Variants in UNC80 observed in about 807,000 individuals in gnomAD.
UNC80 encodes unc-80 subunit of NALCN channel complex.
Under a neutral mutation model 384.6 loss-of-function variants are expected in UNC80, and 164 were observed. The observed-to-expected ratio is 0.43, with a 90% CI of 0.38 to 0.49. UNC80 has a LOEUF of 0.49. Ranked by LOEUF, UNC80 falls within the 20% of genes least tolerant of loss-of-function variation. The pLI is 0.00. For synonymous variants in UNC80, 1,486 were observed against 1,527.8 expected, an observed-to-expected ratio of 0.97 and a Z score of 0.64; for missense variants, 3,330 against 4,143.0, an observed-to-expected ratio of 0.80 and a Z score of 5.39.
chr2:209,913,704 G>A (rs2089214281), intron 30 of UNC80, 98 bp from the exon 31 acceptor site: 1 of 1,298,360 alleles, frequency 7.7e-7, no homozygotes, highest in Non-Finnish European at 1.0e-6. Context: ...GGTCACTTAA[G>A]GCAAGCAGAG....
intron 43 of UNC80, 79 bp downstream of exon 43, chr2:209,939,731 T>C: frequency 7.6e-7 from 1 of 1,312,412 alleles, no homozygotes; most frequent in Non-Finnish European, 1.0e-6. Flanking sequence ...TTATTATTAT[T>C]ATACTTTAAG....
intron 14 of UNC80, among the ~76,000 whole-genome samples, chr2:209,828,149 A>T (rs146383877): frequency 0.012 from 1,824 of 152,286 alleles, 39 homozygotes; most frequent in African/African-American, 0.04. Context: ...GTACTTCAGG[A>T]CCTGCCAACT....
intron 22 of UNC80, among the ~76,000 whole-genome samples, chr2:209,853,962 C>T (rs2082711537): frequency 6.6e-6 from 1 of 151,936 alleles, no homozygotes; most frequent in African/African-American, 2.4e-5. Flanking sequence ...AATTCTTTTT[C>T]AAAATAGGAC....
chr2:209,942,179 C>T (rs2091674581), intron 44 of UNC80, among the ~76,000 whole-genome samples: 2 of 152,092 alleles, frequency 1.3e-5, no homozygotes, highest in African/African-American at 4.8e-5. Flanking sequence ...GTTCCATGCT[C>T]CTGAATCTAA....
intron 61 of UNC80, 31 bp from the exon 62 acceptor site, chr2:209,992,135 G>A (rs1405335950): frequency 4.8e-5 from 74 of 1,540,386 alleles, no homozygotes; most frequent in Non-Finnish European, 6.2e-5. Context: ...TACTCTCTCC[G>A]GGGTACACTA....
At chr2:209,772,582 T>G (rs2076636543) in intron 1 of UNC80, among the ~76,000 whole-genome samples, 1 of 152,176 alleles carries the variant, frequency 6.6e-6, no homozygotes, top group Non-Finnish European at 1.5e-5. Context: ...TGCCCACTTG[T>G]TAACCGTTTT....
rs1404917566 is a variant in UNC80 at position 209,954,334 on chromosome 2, TAAG to T, written c.7457+67_7457+69del. The T allele has an allele frequency of 1.0e-5, 13 of 1,287,740 alleles. No homozygotes were observed. The East Asian group carries it at 3.2e-4, about 32-fold the overall frequency. The allele number at this position is 1,287,740 out of a possible 1,614,324, so 79.8% of individuals were successfully genotyped here. ...TATGTTTCCACTGAAAAAAAAAAAA[TAAG>T]AAAAAAATGTGATGGATAAAAATCT... On this transcript the variant is annotated intron_variant, in intron 48 of 64. Coordinates refer to ENST00000673920, the MANE Select transcript of UNC80 (RefSeq NM_001371986.1).
chr2:209,909,010 A>C (rs1172700444), intron 29 of UNC80, among the ~76,000 whole-genome samples: 6 of 152,210 alleles, frequency 3.9e-5, no homozygotes, highest in Admixed American at 3.9e-4. Flanking sequence ...AGAATTAAAA[A>C]AAGAAGAAGA....
At chr2:209,875,701 TCAGCACATAGTGCATTTC>T (rs2074996550) in intron 23 of UNC80, among the ~76,000 whole-genome samples, 1 of 152,162 alleles carries the variant, frequency 6.6e-6, no homozygotes, top group African/African-American at 2.4e-5. Flanking sequence ...TGTCAGTCTC[TCAGCACATAGTGCATTTC>T]CATGAACATA....
rs2124981635 is a variant in UNC80 at position 209,943,459 on chromosome 2, G to A, written c.6995G>A (p.Arg2332Gln). The A allele has an allele frequency of 6.4e-7, 1 of 1,551,966 alleles. No individual in the cohort carries two copies. Among genetic ancestry groups the A allele is most frequent in the South Asian group, 1.2e-5 (1 of 84,054 alleles). The change falls in exon 45 of 65, where the codon CGG becomes CAG. Residue 2332 changes from arginine (R) to glutamine (Q), a missense_variant. Physicochemically the swap from Arg to Gln is conservative, Grantham distance 43 (BLOSUM62 1). Around this residue, in one of 8 missense-constraint regions of UNC80, gnomAD observed 1,049 missense variants for 1,488.6 expected, o/e 0.70. Transcript: ENST00000673920. The part of the protein sequence containing the change: ...FACHQFYILH[R>Q]KPFVLQLFAS... ...TGTCACCAGTTCTATATTCTACACC[G>A]GAAGCCCTTTGTGCTCCAGCTGTTT...
rs2084930231 is a variant in UNC80, at chr2:209,877,973, A to C, written c.3860A>C (p.Asn1287Thr). ...QWGDAIGVRLNELCHGESESP... is the reference protein window; with the variant it reads ...QWGDAIGVRLTELCHGESESP... ...TTTTAGGCAATTGGCGTCCGATTGA[A>C]TGAGCTGTGCCACGGGGAAAGTGAG... The change falls in exon 24 of 65, where the codon AAT becomes ACT. Residue 1287 changes from asparagine (N) to threonine (T), a missense_variant. Physicochemically the swap from Asn to Thr is moderately conservative, Grantham distance 65. This residue lies in a region of UNC80 where 801 missense variants were observed against 950.8 expected (regional missense o/e 0.84). Transcript: ENST00000673920. 6.5e-7 allele frequency: 1 copy of C among 1,535,784 alleles called. No individual in the cohort carries two copies. Among genetic ancestry groups the C allele is most frequent in the Non-Finnish European group, 8.8e-7 (1 of 1,140,600 alleles).
intron 62 of UNC80, among the ~76,000 whole-genome samples, chr2:209,992,745 G>A (rs2093415619): frequency 6.6e-6 from 1 of 152,162 alleles, no homozygotes; most frequent in Admixed American, 6.5e-5. Flanking sequence ...CTGCATAAAG[G>A]CAAAGAAAAA....
At chr2:209,942,131 T>C (rs73078966) in intron 44 of UNC80, among the ~76,000 whole-genome samples, 15,489 of 152,124 alleles carry the variant, frequency 0.1, 1,965 homozygotes, top group African/African-American at 0.3. Flanking sequence ...TCATAGGAGC[T>C]GGAACCCTAT....
At chr2:209,858,203 T>A (rs554992059) in intron 22 of UNC80, among the ~76,000 whole-genome samples, 3 of 152,184 alleles carry the variant, frequency 2.0e-5, no homozygotes, top group Non-Finnish European at 4.4e-5. Flanking sequence ...TTTAGAAATA[T>A]TACGATTTCT....
intron 59 of UNC80, 109 bp from the exon 60 acceptor site, chr2:209,982,070 A>G (rs2093170194): frequency 1.9e-6 from 2 of 1,030,688 alleles, no homozygotes; most frequent in Non-Finnish European, 2.7e-6. Flanking sequence ...ATTTACACAC[A>G]GCCCTAAGTT....
Position 209,926,971 on chromosome 2 carries a change from G to A in UNC80, c.5791G>A (p.Glu1931Lys). The part of the protein sequence containing the change: ...VHLMEDGEVR[E>K]DGVAVSAVAQ... ...TCTGATGGAGGATGGTGAGGTGCGGGAAGATGGAGTAGCAGGTACAGTTTT... is the reference window on the plus strand; with the variant it reads ...TCTGATGGAGGATGGTGAGGTGCGGAAAGATGGAGTAGCAGGTACAGTTTT... Residue 1931 changes from glutamate to lysine, a missense_variant, in exon 36 of 65, where the codon GAA (glutamate) becomes AAA (lysine). Coordinates refer to ENST00000673920, the MANE Select transcript of UNC80 (RefSeq NM_001371986.1). 2 of 1,551,938 alleles carry A rather than the reference G, an allele frequency of 1.3e-6. No homozygotes were observed. Among genetic ancestry groups the A allele is most frequent in the Admixed American group, 2.0e-5 (1 of 50,990 alleles).
intron 46 of UNC80, among the ~76,000 whole-genome samples, 162 bp from the exon 47 acceptor site, chr2:209,945,685 C>T (rs2091882642): frequency 6.6e-6 from 1 of 152,058 alleles, no homozygotes; most frequent in Admixed American, 6.6e-5. Flanking sequence ...GAATTTCGTT[C>T]CCTTGAGATG....
intron 7 of UNC80, among the ~76,000 whole-genome samples, chr2:209,810,294 G>T (rs1028148893): frequency 1.3e-5 from 2 of 152,184 alleles, no homozygotes; most frequent in African/African-American, 4.8e-5. Context: ...CAACAGGTAG[G>T]CCTGGGAGGA....
At chr2:209,896,212 A>G in intron 27 of UNC80, 101 bp from the exon 28 acceptor site, 1 of 1,009,758 alleles carries the variant, frequency 9.9e-7, no homozygotes, top group East Asian at 2.6e-5. Flanking sequence ...GGGCCATGGT[A>G]GTCTGCCCTA....
Sources: allele counts gnomAD v4.1 joint callset (sites outside exome capture counted in the v4.1 genomes callset), GRCh38; gene constraint gnomAD v4.1.1; regional missense constraint gnomAD v4.1.1; transcripts MANE v1.5; gene names NCBI Gene and HGNC (gene_info 2026-07-23, HGNC 2026-07-21).